The following SHQ1 variants were observed in gnomAD, a reference collection of about 807,000 sequenced individuals.
SHQ1 encodes the protein SHQ1, H/ACA ribonucleoprotein assembly factor.
SHQ1 carries 49 observed loss-of-function variants against 53.8 expected under a neutral mutation model. The ratio of observed to expected loss-of-function variants is 0.91; its 90% CI spans 0.72 to 1.16. The LOEUF is 1.16. SHQ1 is among the 50% of genes most tolerant of loss of function. The probability of loss-of-function intolerance (pLI) is 0.00; values close to 1 mark genes in which losing one functional copy is unlikely to be tolerated. For synonymous variants in SHQ1, 243 were observed against 251.0 expected (o/e 0.97, Z 0.30); for missense variants, 738 against 683.1 (o/e 1.08, Z -0.90).
rs75902054 is a variant in SHQ1 at position 72,777,035 on chromosome 3, T to C, written c.1181+15881A>G. 8.9e-3 allele frequency among the ~76,000 whole-genome samples: 1,360 copies of C among 152,206 alleles called. 24 individuals carry two copies. The highest frequency in any genetic ancestry group is 0.031 in the African/African-American group (1,308 of 41,560). On this transcript the variant is annotated intron_variant, in intron 10 of 10. Coordinates refer to ENST00000325599, the MANE Select transcript of SHQ1 (RefSeq NM_018130.3). ...AAAAGAAACTGGATCCCCTATTGCA[T>C]AACATACAAAAAATCTATTCCAGGT...
intron 9 of SHQ1, among the ~76,000 whole-genome samples, chr3:72,806,888 A>G (rs1021857669): frequency 1.3e-5 from 2 of 152,160 alleles, no homozygotes; most frequent in African/African-American, 4.8e-5. Context: ...GGCTGACTAT[A>G]TATTTTATGT....
At chr3:72,821,547 A>G (rs953277426) in intron 6 of SHQ1, among the ~76,000 whole-genome samples, 1 of 152,182 alleles carries the variant, frequency 6.6e-6, no homozygotes, top group African/African-American at 2.4e-5. Context: ...AAAGTTCACC[A>G]CCTAAGGCTT....
chr3:72,726,450 T>C, the SHQ1 span, among the ~76,000 whole-genome samples: 1 of 152,146 alleles, frequency 6.6e-6, no homozygotes, highest in Non-Finnish European at 1.5e-5. Flanking sequence ...CCTCCCAGGC[T>C]CAAGCAATTC....
At chr3:72,726,579 T>C in the SHQ1 span, among the ~76,000 whole-genome samples, 5 of 152,168 alleles carry the variant, frequency 3.3e-5, no homozygotes, top group Non-Finnish European at 7.3e-5. Flanking sequence ...CTCGAACTCC[T>C]GACCTCAGGT....
intron 9 of SHQ1, among the ~76,000 whole-genome samples, chr3:72,800,401 A>G (rs1232492925): frequency 1.3e-5 from 2 of 152,214 alleles, no homozygotes; most frequent in African/African-American, 4.8e-5. Context: ...CGAGTTAGGT[A>G]CTTTCTTCCT....
chr3:72,744,934 G>GT (rs1454837659), downstream of SHQ1, among the ~76,000 whole-genome samples: 77 of 141,834 alleles, frequency 5.4e-4, no homozygotes, highest in Non-Finnish European at 1.0e-3. Context: ...GGGGGGGGGG[G>GT]GTGGTTTCTG....
the SHQ1 span, among the ~76,000 whole-genome samples, chr3:72,729,908 C>T: frequency 6.6e-6 from 1 of 152,288 alleles, no homozygotes; most frequent in East Asian, 1.9e-4. Context: ...GGCTCTGCCC[C>T]CCGGGGTTCA....
At chr3:72,738,074 C>T in the SHQ1 span, among the ~76,000 whole-genome samples, 1 of 152,214 alleles carries the variant, frequency 6.6e-6, no homozygotes, top group East Asian at 1.9e-4. Context: ...CACCACATCT[C>T]TCCACCTGAG....
At chr3:72,817,124 A>G in intron 7 of SHQ1, 106 bp downstream of exon 7, 5 of 1,273,242 alleles carry the variant, frequency 3.9e-6, no homozygotes, top group Non-Finnish European at 5.3e-6. Flanking sequence ...CATCCCCTGA[A>G]TAACTGATCA....
chr3:72,770,135 A>G (rs1048579554), intron 10 of SHQ1, among the ~76,000 whole-genome samples: 2 of 152,220 alleles, frequency 1.3e-5, no homozygotes, highest in Admixed American at 1.3e-4. Context: ...GCAGTGCATC[A>G]ATGGAGCTTT....
intron 10 of SHQ1, chr3:72,752,929 C>T: frequency 1.0e-6 from 1 of 960,864 alleles, no homozygotes; most frequent in Non-Finnish European, 1.2e-6. Context: ...TCCCAAAGTG[C>T]TGGGATTACA....
At chr3:72,764,465 T>A (rs569533010) in intron 10 of SHQ1, among the ~76,000 whole-genome samples, 2 of 152,362 alleles carry the variant, frequency 1.3e-5, no homozygotes, top group Admixed American at 1.3e-4. Flanking sequence ...AAGTGTATTT[T>A]ATGCTTGCTT....
chr3:72,773,832 A>G (rs1209600395), intron 10 of SHQ1, among the ~76,000 whole-genome samples: 2 of 152,250 alleles, frequency 1.3e-5, no homozygotes, highest in Non-Finnish European at 2.9e-5. Context: ...CCAAAAACCC[A>G]AAAACATCTG....
At chr3:72,774,944 A>G (rs1463577989) in intron 10 of SHQ1, among the ~76,000 whole-genome samples, 1 of 151,958 alleles carries the variant, frequency 6.6e-6, no homozygotes, top group Non-Finnish European at 1.5e-5. Flanking sequence ...GTGAAACCCC[A>G]TCTCTACTAA....
At chr3:72,731,838 T>A in the SHQ1 span, among the ~76,000 whole-genome samples, 5 of 151,442 alleles carry the variant, frequency 3.3e-5, no homozygotes, top group Non-Finnish European at 5.9e-5. Context: ...AGGGAAAGCA[T>A]CATCCTCCCA....
chr3:72,816,061 T>C (rs540618284), intron 7 of SHQ1, among the ~76,000 whole-genome samples: 2 of 152,290 alleles, frequency 1.3e-5, no homozygotes, highest in East Asian at 3.9e-4. Flanking sequence ...TTTTCAGATA[T>C]ATTATGCCCT....
intron 5 of SHQ1, among the ~76,000 whole-genome samples, chr3:72,828,000 C>G (rs992157003): frequency 1.1e-4 from 16 of 151,874 alleles, no homozygotes; most frequent in Admixed American, 7.2e-4. Context: ...CATGACCCAC[C>G]CCCTCAGCCT....
At chr3:72,732,388 G>GCCTGCCTGCCTTCCTT in the SHQ1 span, among the ~76,000 whole-genome samples, 9 of 58,170 alleles carry the variant, frequency 1.5e-4, no homozygotes, top group African/African-American at 4.2e-4. Context: ...CTGCCTGCCT[G>GCCTGCCTGCCTTCCTT]CCTTCCTTCC....
chr3:72,741,436 AT>A, the SHQ1 span, among the ~76,000 whole-genome samples: 2 of 152,184 alleles, frequency 1.3e-5, no homozygotes, highest in African/African-American at 4.8e-5. Flanking sequence ...AAATACAAAA[AT>A]TAGCCAGATG....
Sources: allele counts gnomAD v4.1 joint callset (sites outside exome capture counted in the v4.1 genomes callset), GRCh38; gene constraint gnomAD v4.1.1; transcripts MANE v1.5; gene names NCBI Gene and HGNC (gene_info 2026-07-23, HGNC 2026-07-21).